CNGA1: variants seen among roughly 807,000 people sequenced by gnomAD.
CNGA1 encodes the protein cyclic nucleotide gated channel subunit alpha 1.
Under a neutral mutation model 69.7 loss-of-function variants are expected in CNGA1, and 53 were observed. The ratio of observed to expected loss-of-function variants is 0.76; its 90% CI spans 0.61 to 0.96. The LOEUF is 0.96. Ranked by LOEUF, CNGA1 falls within the 40% of genes least tolerant of loss-of-function variation. CNGA1 has a pLI of 0.00. For synonymous variants in CNGA1, 249 were observed against 283.5 expected (o/e 0.88, Z 1.22); for missense variants, 739 against 811.2 (o/e 0.91, Z 1.08).
chr4:48,013,666 C>G (rs184729269), intron 1 of CNGA1, among the ~76,000 whole-genome samples: 2 of 152,306 alleles, frequency 1.3e-5, no homozygotes, highest in East Asian at 3.9e-4. Context: ...TAAGCAGTTC[C>G]AAGCTTCACT....
At chr4:48,016,259 T>A (rs1715371407) in intron 1 of CNGA1, among the ~76,000 whole-genome samples, 1 of 151,984 alleles carries the variant, frequency 6.6e-6, no homozygotes, top group East Asian at 1.9e-4. Context: ...CAGAAGCTGA[T>A]AACAGCACAG....
At chr4:47,951,895 A>G (rs1330545063) in intron 4 of CNGA1, among the ~76,000 whole-genome samples, 4 of 152,238 alleles carry the variant, frequency 2.6e-5, no homozygotes, top group African/African-American at 9.6e-5. Context: ...ACTTTAAATT[A>G]TACTTTTAAA....
At position 47,976,851 on chromosome 4, in the gene CNGA1, G is replaced by A. The variant is rs1679615051; in HGVS notation, c.-15+4542C>T. Among the ~76,000 whole-genome samples, 4 of 152,284 alleles carry A rather than the reference G, an allele frequency of 2.6e-5. No homozygotes were observed. The South Asian group carries it at 8.3e-4, about 32-fold the overall frequency. On this transcript the variant is annotated intron_variant, in intron 3 of 10. Transcript: ENST00000514170. ...GAATGTTGATTAAGACAGGCTTCCA[G>A]CCCTAGAGAAATTAGTAAGAGAAAC...
chr4:47,964,316 T>A (rs1208143021), intron 3 of CNGA1, among the ~76,000 whole-genome samples: 1 of 152,154 alleles, frequency 6.6e-6, no homozygotes, highest in East Asian at 1.9e-4. Flanking sequence ...ACAGAAAATA[T>A]AATTCTGATT....
chr4:48,003,116 T>C (rs1714738197), intron 2 of CNGA1, among the ~76,000 whole-genome samples: 1 of 152,172 alleles, frequency 6.6e-6, no homozygotes, highest in Non-Finnish European at 1.5e-5. Flanking sequence ...CACTGGGTTT[T>C]ATACATTCTA....
At chr4:47,980,633 C>A (rs1014840067) in intron 3 of CNGA1, among the ~76,000 whole-genome samples, 3 of 151,894 alleles carry the variant, frequency 2.0e-5, no homozygotes, top group Admixed American at 2.0e-4. Context: ...TGCCACCACA[C>A]CTGGGCTAAT....
At chr4:47,985,090 C>T (rs1741923927) in intron 2 of CNGA1, among the ~76,000 whole-genome samples, 1 of 151,852 alleles carries the variant, frequency 6.6e-6, no homozygotes, top group South Asian at 2.1e-4. Flanking sequence ...GTCTCAGTTG[C>T]AGTTTTCATG....
At chr4:48,005,594 G>C (rs1311194410) in intron 2 of CNGA1, among the ~76,000 whole-genome samples, 1 of 152,142 alleles carries the variant, frequency 6.6e-6, no homozygotes, top group African/African-American at 2.4e-5. Flanking sequence ...CCTATGAGTT[G>C]GGTAAATTCC....
intron 1 of CNGA1, among the ~76,000 whole-genome samples, chr4:48,014,237 C>T (rs1054091873): frequency 6.6e-6 from 1 of 152,098 alleles, no homozygotes; most frequent in Non-Finnish European, 1.5e-5. Context: ...TATCCCCCAA[C>T]TTTATGTCAT....
At chr4:47,939,542 A>G (rs1578064097) in intron 10 of CNGA1, among the ~76,000 whole-genome samples, 1 of 152,194 alleles carries the variant, frequency 6.6e-6, no homozygotes, top group Admixed American at 6.5e-5. Flanking sequence ...ACTCCAATTT[A>G]TAGCTGGTCA....
At chr4:47,983,047 G>A (rs899815380) in intron 2 of CNGA1, among the ~76,000 whole-genome samples, 14 of 151,998 alleles carry the variant, frequency 9.2e-5, no homozygotes, top group African/African-American at 2.4e-5. Flanking sequence ...CAAATGATCC[G>A]CCCACCTGGG....
Position 48,016,474 on chromosome 4 carries a change from C to T in CNGA1, c.-223+9G>A, listed in dbSNP as rs992911133. The T allele has an allele frequency of 9.6e-6, 3 of 312,554 alleles. No individual in the cohort carries two copies. Among genetic ancestry groups the T allele is most frequent in the Non-Finnish European group, 1.2e-5 (2 of 170,120 alleles). 19.4% of individuals were successfully genotyped at this position (312,554 alleles called of 1,614,324 possible). A position where few individuals can be genotyped will look rare whatever the true frequency, so the allele number is the denominator to read the frequency against. On this transcript the variant is annotated intron_variant, in intron 1 of 10. Coordinates refer to ENST00000514170, the MANE Select transcript of CNGA1 (RefSeq NM_001379270.1). ...TGCAGCCTCCACTCCACTCAATTCC[C>T]GGAGTTACCTTGGCGGGCTCCACGC...
intron 2 of CNGA1, among the ~76,000 whole-genome samples, chr4:48,001,463 T>C (rs1714662523): frequency 6.6e-6 from 1 of 152,186 alleles, no homozygotes; most frequent in African/African-American, 2.4e-5. Context: ...AGCAAGACTC[T>C]GTTTAAAAAA....
chr4:47,999,119 AAGAG>A (rs1043491922), intron 2 of CNGA1, among the ~76,000 whole-genome samples: 26 of 145,272 alleles, frequency 1.8e-4, no homozygotes, highest in African/African-American at 3.7e-4. Context: ...TTTTGAGAGA[AAGAG>A]AGAGAGACCA....
At chr4:48,016,400 C>G (rs1022720121) in intron 1 of CNGA1, 83 bp downstream of exon 1, 1 of 192,036 alleles carries the variant, frequency 5.2e-6, no homozygotes, top group Non-Finnish European at 1.1e-5. Context: ...AGGGCTCTCT[C>G]TAGCGGGGGA....
At chr4:47,948,895 G>A (rs1739582258) in intron 6 of CNGA1, among the ~76,000 whole-genome samples, 4 of 152,158 alleles carry the variant, frequency 2.6e-5, no homozygotes. Context: ...AGGGTGAGAG[G>A]ACCCTAGAAT....
At chr4:47,989,131 C>T (rs1020878432) in intron 2 of CNGA1, among the ~76,000 whole-genome samples, 1 of 152,144 alleles carries the variant, frequency 6.6e-6, no homozygotes, top group Non-Finnish European at 1.5e-5. Flanking sequence ...ACTTGCTTAG[C>T]TGTGTTACTT....
At chr4:47,944,695 G>A (rs982798977) in intron 6 of CNGA1, among the ~76,000 whole-genome samples, 5 of 152,206 alleles carry the variant, frequency 3.3e-5, no homozygotes, top group African/African-American at 1.2e-4. Flanking sequence ...ATGGGCTGGT[G>A]AGAGGGATAT....
At chr4:47,955,000 A>G (rs1463508180) in intron 3 of CNGA1, among the ~76,000 whole-genome samples, 2 of 150,588 alleles carry the variant, frequency 1.3e-5, no homozygotes, top group Non-Finnish European at 1.5e-5. Flanking sequence ...CTTTATAACT[A>G]TCCTTTTCTG....
Sources: gnomAD v4.1 joint callset for allele counts (sites outside exome capture counted in the v4.1 genomes callset) on GRCh38, gnomAD v4.1.1 for gene constraint, MANE v1.5 for transcripts, NCBI Gene and HGNC (gene_info 2026-07-23, HGNC 2026-07-21) for gene names.